Variants in ADD3 observed in about 807,000 individuals in gnomAD.
ADD3 encodes adducin 3.
ADD3 carries 25 observed loss-of-function variants against 80.2 expected under a neutral mutation model. The observed-to-expected ratio is 0.31, with a 90% CI of 0.23 to 0.44. ADD3 has a LOEUF of 0.44. Among genes scored for constraint, ADD3 ranks in the 20% least tolerant of loss-of-function variants. The pLI, the probability that ADD3 is intolerant of heterozygous loss-of-function variation, is 1.00. For missense variants in ADD3, 829 were observed against 847.5 expected (o/e 0.98, Z 0.27); for synonymous variants, 284 against 289.6 (o/e 0.98, Z 0.20).
At chr10:110,003,302 GGT>G (rs1554893815), upstream of ADD3, among the ~76,000 whole-genome samples, 63 of 146,652 alleles carry the variant, frequency 4.3e-4, no homozygotes, top group Middle Eastern at 3.5e-3. Context: ...GAACAGTAAG[GGT>G]GTGTGTGTGT....
chr10:110,007,751 A>G (rs1331723245), upstream of ADD3, among the ~76,000 whole-genome samples: 2 of 149,848 alleles, frequency 1.3e-5, no homozygotes, highest in African/African-American at 4.9e-5. Context: ...CGGGACCAGG[A>G]CTCCCGAGGG....
At chr10:110,048,016 GC>G (rs1259395768) in intron 1 of ADD3, among the ~76,000 whole-genome samples, 34 of 152,276 alleles carry the variant, frequency 2.2e-4, no homozygotes, top group African/African-American at 7.7e-4. Context: ...TTGAATTGTG[GC>G]TCCCATAATT....
At position 110,121,045 on chromosome 10, in the gene ADD3, C is replaced by T. The variant is rs1171637100; in HGVS notation, c.961-1065C>T. ...AACGTTAGACCTAAAACCATAAAAACCTTAGAAGAAAACCTAGGCATTACC... is the reference window on the plus strand; with the variant it reads ...AACGTTAGACCTAAAACCATAAAAATCTTAGAAGAAAACCTAGGCATTACC... On this transcript the variant is annotated intron_variant, in intron 8 of 14. Transcript: ENST00000356080. Among the ~76,000 whole-genome samples the T allele has an allele frequency of 3.3e-5, 5 of 151,974 alleles. No individual in the cohort carries two copies. The South Asian group carries it at 1.0e-3, about 32-fold the overall frequency.
intron 1 of ADD3, among the ~76,000 whole-genome samples, chr10:110,013,645 C>T (rs1852586772): frequency 2.0e-5 from 3 of 152,172 alleles, no homozygotes; most frequent in African/African-American, 4.8e-5. Flanking sequence ...GCAGGATAAC[C>T]TAACTCCAAG....
In ADD3 at chr10:110,135,138, T is replaced by C. The variant is rs1359413628; in HGVS notation, c.*1520T>C. ...GGAGCTGGCTCTGTTTGTGTGCATA[T>C]GATAATGCAGAGTTGAGCCAGAGCC... is the stretch of plus-strand genomic sequence containing the variant. On this transcript the variant is annotated 3_prime_UTR_variant, in exon 15 of 15. Coordinates refer to ENST00000356080, the MANE Select transcript of ADD3 (RefSeq NM_016824.5). 1 of 152,436 alleles carries C rather than the reference T, an allele frequency of 6.6e-6. No individual in the cohort carries two copies. The highest frequency in any genetic ancestry group is 2.4e-5 in the African/African-American group (1 of 41,448). The allele number at this position is 152,436 out of a possible 1,614,324, so 9.4% of individuals were successfully genotyped here.
At chr10:110,066,958 A>G (rs1844034581) in intron 1 of ADD3, among the ~76,000 whole-genome samples, 1 of 152,194 alleles carries the variant, frequency 6.6e-6, no homozygotes, top group Non-Finnish European at 1.5e-5. Context: ...CAAACTGGTA[A>G]GCCAAAATAT....
At chr10:110,100,957 A>C (rs1352808784) in intron 2 of ADD3, 109 bp downstream of exon 2, 2 of 929,206 alleles carry the variant, frequency 2.2e-6, no homozygotes, top group Non-Finnish European at 3.1e-6. Context: ...GTGGAGGAGG[A>C]GTGGTGACCA....
chr10:110,040,414 A>G (rs1589833025), intron 1 of ADD3, among the ~76,000 whole-genome samples: 2 of 152,306 alleles, frequency 1.3e-5, no homozygotes, highest in South Asian at 2.1e-4. Flanking sequence ...CACAGCACAA[A>G]TTTAGTTTGG....
chr10:110,002,381 C>T (rs1228680896), upstream of ADD3, among the ~76,000 whole-genome samples: 1 of 152,116 alleles, frequency 6.6e-6, no homozygotes, highest in East Asian at 1.9e-4. Context: ...TCACGCCATT[C>T]TCCTGCCTCA....
chr10:110,040,487 T>C (rs963723510), intron 1 of ADD3, among the ~76,000 whole-genome samples: 3 of 152,228 alleles, frequency 2.0e-5, no homozygotes, highest in Non-Finnish European at 4.4e-5. Context: ...AGTACTTAAT[T>C]GCATATTTAA....
intron 2 of ADD3, among the ~76,000 whole-genome samples, chr10:110,109,921 G>A (rs1429144778): frequency 6.6e-6 from 1 of 152,042 alleles, no homozygotes; most frequent in Non-Finnish European, 1.5e-5. Flanking sequence ...GATAAATGAA[G>A]TATATCTTTG....
chr10:110,045,345 C>G (rs927558510), intron 1 of ADD3, among the ~76,000 whole-genome samples: 1 of 151,712 alleles, frequency 6.6e-6, no homozygotes, highest in Non-Finnish European at 1.5e-5. Flanking sequence ...CACAGCAAGA[C>G]TCTGTCTCAA....
At chr10:110,101,582 A>C (rs1848813062) in intron 2 of ADD3, among the ~76,000 whole-genome samples, 1 of 150,920 alleles carries the variant, frequency 6.6e-6, no homozygotes, top group South Asian at 2.1e-4. Flanking sequence ...GACTGCTGTG[A>C]GCCGTGATCA....
chr10:110,022,233 T>C (rs1198978337), intron 1 of ADD3, among the ~76,000 whole-genome samples: 6 of 152,184 alleles, frequency 3.9e-5, no homozygotes, highest in Admixed American at 3.3e-4. Context: ...GAGTTGGAAC[T>C]GTCTTATGAA....
At chr10:110,123,782 G>A in intron 9 of ADD3, 1 of 500,058 alleles carries the variant, frequency 2.0e-6, no homozygotes. Context: ...GTCGGGAACA[G>A]TTGTGTGAGT....
chr10:110,018,046 T>C (rs1181535857), intron 1 of ADD3, among the ~76,000 whole-genome samples: 1 of 152,190 alleles, frequency 6.6e-6, no homozygotes, highest in African/African-American at 2.4e-5. Context: ...TTAATATGTG[T>C]CTTCCAGAAA....
intron 5 of ADD3, among the ~76,000 whole-genome samples, chr10:110,118,211 G>A (rs1358851459): frequency 6.6e-6 from 1 of 152,156 alleles, no homozygotes; most frequent in African/African-American, 2.4e-5. Context: ...GGTTCTGGGT[G>A]CTTGCTGCAA....
chr10:110,076,418 A>G (rs1845383297), intron 1 of ADD3, among the ~76,000 whole-genome samples: 1 of 152,232 alleles, frequency 6.6e-6, no homozygotes, highest in Non-Finnish European at 1.5e-5. Flanking sequence ...TGCATAATAA[A>G]TAATTTTCTT....
Position 110,130,354 on chromosome 10 carries a change from C to A in ADD3, c.1609-9C>A, listed in dbSNP as rs751030195. 6.2e-7 allele frequency: 1 copy of A among 1,608,674 alleles called. No homozygotes were observed. The highest frequency in any genetic ancestry group is 1.3e-5 in the African/African-American group (1 of 74,610). ...GGTAATGAATCGATTTTTATTTTTT[C>A]TTTGTAAGACTATGCAATTTGAAGA... On this transcript the variant is annotated splice_polypyrimidine_tract_variant and intron_variant, in intron 12 of 14. Coordinates refer to ENST00000356080, the MANE Select transcript of ADD3 (RefSeq NM_016824.5).
Sources: allele counts gnomAD v4.1 joint callset (sites outside exome capture counted in the v4.1 genomes callset), GRCh38; gene constraint gnomAD v4.1.1; transcripts MANE v1.5; gene names NCBI Gene and HGNC (gene_info 2026-07-23, HGNC 2026-07-21).